The following ATAD3B variants were observed in gnomAD, a reference collection of about 807,000 sequenced individuals.
ATAD3B encodes the protein ATPase family AAA domain-containing protein 3B.
Under a neutral mutation model 70.2 loss-of-function variants are expected in ATAD3B, and 59 were observed. The ratio of observed to expected loss-of-function variants is 0.84; its 90% CI spans 0.68 to 1.04. ATAD3B has a LOEUF of 1.04. ATAD3B is among the 50% of genes least tolerant of loss of function. The probability of loss-of-function intolerance (pLI) is 0.00; values close to 1 mark genes in which losing one functional copy is unlikely to be tolerated. For synonymous variants in ATAD3B, 423 were observed against 388.6 expected, an observed-to-expected ratio of 1.09 and a Z score of -1.04; for missense variants, 961 against 913.4, an observed-to-expected ratio of 1.05 and a Z score of -0.67.
rs774143417 is a variant in ATAD3B, at chr1:1,485,739, T to G, written c.907-43T>G. ...TGTGCGTTGGTGGCTGTTCCGTGGC[T>G]GTGGCAGGTGACCCAATGGTGCTTC... On this transcript the variant is annotated intron_variant, in intron 8 of 15. Coordinates refer to ENST00000673477, the MANE Select transcript of ATAD3B (RefSeq NM_031921.6). 1.1e-5 allele frequency: 18 copies of G among 1,610,396 alleles called. No homozygotes were observed. In the Admixed American group the frequency reaches 2.8e-4, roughly 25 times the overall value.
downstream of ATAD3B, among the ~76,000 whole-genome samples, chr1:1,499,236 G>A (rs1250617386): frequency 6.6e-6 from 1 of 150,748 alleles, no homozygotes. Flanking sequence ...CTCCCAAAGT[G>A]CTGGGATTAC....
At chr1:1,504,021 T>C in the ATAD3B span, among the ~76,000 whole-genome samples, 11 of 152,182 alleles carry the variant, frequency 7.2e-5, no homozygotes, top group East Asian at 1.6e-3. Context: ...GGAATCTTGC[T>C]CTGTTGCCCG....
chr1:1,480,483 G>C (rs1389701455), intron 4 of ATAD3B, among the ~76,000 whole-genome samples: 1 of 147,374 alleles, frequency 6.8e-6, no homozygotes, highest in African/African-American at 2.5e-5. Flanking sequence ...CTTCAGTCCT[G>C]AGCTCGCAGG....
At chr1:1,501,790 C>G (rs1640951209), downstream of ATAD3B, among the ~76,000 whole-genome samples, 1 of 152,210 alleles carries the variant, frequency 6.6e-6, no homozygotes, top group Admixed American at 6.5e-5. Flanking sequence ...CCGTAATGCA[C>G]TACGGCAGTC....
chr1:1,487,895 T>G lies in ATAD3B; in HGVS notation c.1247T>G (p.Phe416Cys), dbSNP rs751189348. 143 of 1,612,836 alleles carry G rather than the reference T, an allele frequency of 8.9e-5. 4 individuals are homozygous for G. Among genetic ancestry groups the G allele is most frequent in the Non-Finnish European group, 1.1e-4 (135 of 1,179,472 alleles). The change falls in exon 12 of 16, where the codon TTC (phenylalanine) becomes TGC (cysteine). Residue 416 changes from phenylalanine to cysteine, a missense_variant. Coordinates refer to ENST00000673477, the MANE Select transcript of ATAD3B (RefSeq NM_031921.6). Reference protein sequence around the residue: ...LLLFMDEADAFLRKRATEEIS... With the variant: ...LLLFMDEADACLRKRATEEIS... The stretch of plus-strand genomic sequence containing the variant: ...CTCTTCATGGATGAAGCAGACGCCT[T>G]CCTTCGGAAGCGAGCCACTGTGAGT...
In ATAD3B at chr1:1,482,498, T is replaced by C. The variant is rs2767469; in HGVS notation, c.681-47T>C. 1.7e-3 allele frequency: 2,748 copies of C among 1,610,200 alleles called. 66 individuals carry two copies. Among genetic ancestry groups the C allele is most frequent in the South Asian group, 0.013 (1,130 of 90,008 alleles). ...CCCTCAACCTGCTCTCGCTGCGTGG[T>C]ACGGATCTTCGTGTCCTTCCTGGTC... is the stretch of plus-strand genomic sequence containing the variant. On this transcript the variant is annotated intron_variant, in intron 6 of 15. Transcript: ENST00000673477.
rs746536347 is a variant in ATAD3B at position 1,490,639 on chromosome 1, C to T, written c.1582C>T (p.Arg528Trp). 80 of 1,603,744 alleles carry T rather than the reference C, an allele frequency of 5.0e-5. 3 individuals are homozygous for T. Among genetic ancestry groups the T allele is most frequent in the Non-Finnish European group, 6.1e-5 (72 of 1,176,212 alleles). Residue 528 changes from arginine (R) to tryptophan (W), a missense_variant, in exon 15 of 16, where the codon CGG becomes TGG. Physicochemically the swap from Arg to Trp is moderately radical, Grantham distance 101 (BLOSUM62 -3). Coordinates refer to ENST00000673477, the MANE Select transcript of ATAD3B (RefSeq NM_031921.6). The stretch of plus-strand genomic sequence containing the variant: ...TCGGCTGACGGAGGGCATGTCGGGC[C>T]GGGAGATCGCTCAGCTGGCCGTGTC... ...VARLTEGMSG[R>W]EIAQLAVSWQ...
At chr1:1,509,107 G>A in the ATAD3B span, 8 of 1,480,436 alleles carry the variant, frequency 5.4e-6, no homozygotes, top group Non-Finnish European at 7.2e-6. Flanking sequence ...CCATCCTGGA[G>A]CCCCTGGTTT....
chr1:1,497,034 T>C lies in ATAD3B; in HGVS notation c.*1217T>C, dbSNP rs1190351556. On this transcript the variant is annotated 3_prime_UTR_variant, in exon 16 of 16. Transcript: ENST00000673477. Reference sequence around the variant, plus strand: ...TCGATGAAACAATGCTTTCTGAACTTTGTGTCCTTAGGAAGGGTGTAGGCT... The same window carrying C: ...TCGATGAAACAATGCTTTCTGAACTCTGTGTCCTTAGGAAGGGTGTAGGCT... The C allele has an allele frequency of 6.7e-6, 1 of 148,498 alleles. No homozygotes were observed. Among genetic ancestry groups the C allele is most frequent in the Non-Finnish European group, 1.5e-5 (1 of 67,462 alleles). The allele number at this position is 148,498 out of a possible 1,614,324, so 9.2% of individuals were successfully genotyped here. A position where few individuals can be genotyped will look rare whatever the true frequency, so the allele number is the denominator to read the frequency against.
At chr1:1,489,079 T>A (rs1640387445) in intron 12 of ATAD3B, 125 bp from the exon 13 acceptor site, 7 of 1,519,678 alleles carry the variant, frequency 4.6e-6, no homozygotes, top group Non-Finnish European at 5.4e-6. Flanking sequence ...GGATTTTGAG[T>A]TTAGATCCAT....
chr1:1,483,103 G>T (rs554273545), intron 7 of ATAD3B: 5 of 451,468 alleles, frequency 1.1e-5, no homozygotes, highest in African/African-American at 4.0e-5. Flanking sequence ...GATCATCCTG[G>T]TAAGAGTGAA....
chr1:1,507,431 T>C, the ATAD3B span, among the ~76,000 whole-genome samples: 2 of 152,224 alleles, frequency 1.3e-5, no homozygotes, highest in Non-Finnish European at 2.9e-5. Flanking sequence ...GAGAGGGTCA[T>C]GTGGTTTCCT....
intron 13 of ATAD3B, chr1:1,489,493 T>C (rs1356284061): frequency 1.3e-5 from 13 of 1,022,364 alleles, no homozygotes; most frequent in South Asian, 1.7e-5. Context: ...CAGTCCTGTC[T>C]TCACGGCCCT....
chr1:1,489,088 A>G (rs1261968297), intron 12 of ATAD3B, 116 bp from the exon 13 acceptor site: 5 of 1,546,518 alleles, frequency 3.2e-6, no homozygotes, highest in Non-Finnish European at 4.4e-6. Flanking sequence ...GTTTAGATCC[A>G]TGAAAGTGTC....
the ATAD3B span, among the ~76,000 whole-genome samples, chr1:1,505,249 G>A: frequency 4.6e-5 from 7 of 152,188 alleles, no homozygotes; most frequent in South Asian, 4.1e-4. Context: ...CCTGGCAGCC[G>A]AGGCAGAGAG....
chr1:1,490,686 G>C lies in ATAD3B; in HGVS notation c.1614+15G>C. The C allele has an allele frequency of 1.3e-6, 2 of 1,563,042 alleles. No homozygotes were observed. The highest frequency in any genetic ancestry group is 2.3e-5 in the South Asian group (2 of 85,452). On this transcript the variant is annotated intron_variant, in intron 15 of 15. Transcript: ENST00000673477. Reference sequence around the variant, plus strand: ...TGTCCTGGCAGGTGAGTCAGGCTCCGGCACGTCCACCCAGACGGGACCCCA... The same window carrying C: ...TGTCCTGGCAGGTGAGTCAGGCTCCCGCACGTCCACCCAGACGGGACCCCA...
chr1:1,487,147 T>C (rs1640261979), intron 11 of ATAD3B, among the ~76,000 whole-genome samples: 1 of 152,096 alleles, frequency 6.6e-6, no homozygotes, highest in Admixed American at 6.6e-5. Flanking sequence ...GGAACCACGA[T>C]CCTCATGGTT....
At position 1,486,324 on chromosome 1, in the gene ATAD3B, T is replaced by C. The variant is rs1226321024; in HGVS notation, c.1089+89T>C. 7 of 1,605,080 alleles carry C rather than the reference T, an allele frequency of 4.4e-6. No individual in the cohort carries two copies. In the African/African-American group the frequency reaches 6.7e-5, roughly 15 times the overall value. ...CTGGGGGCCTCAGCCGCCTGGGGAA[T>C]GGACCCCCCTTAGGCCTTTGCCTAC... On this transcript the variant is annotated intron_variant, in intron 10 of 15. Coordinates refer to ENST00000673477, the MANE Select transcript of ATAD3B (RefSeq NM_031921.6).
Position 1,490,674 on chromosome 1 carries a change from G to C in ATAD3B, c.1614+3G>C, listed in dbSNP as rs1397762615. ...CTCAGCTGGCCGTGTCCTGGCAGGT[G>C]AGTCAGGCTCCGGCACGTCCACCCA... On this transcript the variant is annotated splice_donor_region_variant and intron_variant, in intron 15 of 15. Coordinates refer to ENST00000673477, the MANE Select transcript of ATAD3B (RefSeq NM_031921.6). 3 of 1,579,646 alleles carry C rather than the reference G, an allele frequency of 1.9e-6. No individual in the cohort carries two copies. The highest frequency in any genetic ancestry group is 2.6e-6 in the Non-Finnish European group (3 of 1,163,502).
Sources: allele counts gnomAD v4.1 joint callset (sites outside exome capture counted in the v4.1 genomes callset), GRCh38; gene constraint gnomAD v4.1.1; transcripts MANE v1.5; gene names NCBI Gene and HGNC (gene_info 2026-07-23, HGNC 2026-07-21).